The following RBFOX1 variants were observed in gnomAD, a reference collection of about 807,000 sequenced individuals.
RBFOX1 encodes the protein RNA binding fox-1 homolog 1.
Under a neutral mutation model 57.7 loss-of-function variants are expected in RBFOX1, and 8 were observed. The observed-to-expected ratio is 0.14, with a 90% CI of 0.08 to 0.25. The LOEUF (loss-of-function observed/expected upper bound fraction) is 0.25, where lower values mean the gene tolerates loss of function less well. Among genes scored for constraint, RBFOX1 ranks in the 10% least tolerant of loss-of-function variants. RBFOX1 has a pLI of 1.00. For missense variants in RBFOX1, 611 were observed against 548.5 expected, an observed-to-expected ratio of 1.11 and a Z score of -1.14; for synonymous variants, 326 against 222.4, an observed-to-expected ratio of 1.47 and a Z score of -4.15.
chr16:5,856,427 G>A (rs1225554511), intron 3 of RBFOX1, among the ~76,000 whole-genome samples: 1 of 137,768 alleles, frequency 7.3e-6, no homozygotes, highest in African/African-American at 2.7e-5. Context: ...ATATAGCACA[G>A]TATTGTTCAT....
chr16:6,085,672 G>A (rs930215207), intron 1 of RBFOX1, among the ~76,000 whole-genome samples: 1 of 152,138 alleles, frequency 6.6e-6, no homozygotes, highest in Non-Finnish European at 1.5e-5. Context: ...GTGTGTGTCT[G>A]TGTGTGTGCA....
At chr16:6,694,007 GT>G (rs2060652109) in intron 3 of RBFOX1, among the ~76,000 whole-genome samples, 1 of 152,186 alleles carries the variant, frequency 6.6e-6, no homozygotes, top group Admixed American at 6.5e-5. Flanking sequence ...TTTGTTACAA[GT>G]TTAGTTTTCT....
rs143302461 is a variant in RBFOX1, at chr16:7,118,617, C to A, written c.27+66519C>A. 3.2e-3 allele frequency among the ~76,000 whole-genome samples: 489 copies of A among 152,246 alleles called. 2 individuals are homozygous for A. The highest frequency in any genetic ancestry group is 0.014 in the Middle Eastern group (4 of 294). On this transcript the variant is annotated intron_variant, in intron 4 of 15. Transcript: ENST00000550418. ...TTATATAATCACATACATGTAATCA[C>A]ACTTATCTTATCACCTCTGTCATAT... is the stretch of plus-strand genomic sequence containing the variant.
chr16:5,676,589 G>A (rs1452674120), intron 3 of RBFOX1, among the ~76,000 whole-genome samples: 7 of 151,992 alleles, frequency 4.6e-5, no homozygotes, highest in Admixed American at 3.9e-4. Context: ...TGCTGGGTGT[G>A]GTGGCTCATA....
At chr16:6,184,748 T>C (rs2097094259) in intron 1 of RBFOX1, among the ~76,000 whole-genome samples, 1 of 152,000 alleles carries the variant, frequency 6.6e-6, no homozygotes, top group Non-Finnish European at 1.5e-5. Context: ...TTTGTATTTT[T>C]AGTAGAGACG....
intron 4 of RBFOX1, among the ~76,000 whole-genome samples, chr16:5,995,055 T>C (rs1015984146): frequency 3.9e-5 from 6 of 152,218 alleles, no homozygotes; most frequent in African/African-American, 1.4e-4. Context: ...GCATTGATCT[T>C]AAATGAGTTC....
chr16:6,379,576 G>A (rs1277925161), intron 2 of RBFOX1, among the ~76,000 whole-genome samples: 1 of 151,672 alleles, frequency 6.6e-6, no homozygotes, highest in Non-Finnish European at 1.5e-5. Flanking sequence ...GTTGGGTAAT[G>A]TATGCCAAGG....
intron 2 of RBFOX1, among the ~76,000 whole-genome samples, chr16:6,599,146 C>T (rs550903447): frequency 6.6e-6 from 1 of 152,284 alleles, no homozygotes; most frequent in African/African-American, 2.4e-5. Flanking sequence ...TATCCATGTA[C>T]TTGTACAAAT....
chr16:6,536,031 C>T (rs564726217), intron 2 of RBFOX1, among the ~76,000 whole-genome samples: 2 of 152,274 alleles, frequency 1.3e-5, no homozygotes, highest in African/African-American at 4.8e-5. Flanking sequence ...ATGTGTGATT[C>T]ATGCTTTTCA....
At chr16:7,072,298 T>C (rs979296837) in intron 4 of RBFOX1, among the ~76,000 whole-genome samples, 1 of 152,210 alleles carries the variant, frequency 6.6e-6, no homozygotes, top group Non-Finnish European at 1.5e-5. Context: ...TTATTCTTCA[T>C]TCATCACTTT....
intron 2 of RBFOX1, among the ~76,000 whole-genome samples, chr16:6,569,178 A>G (rs903417216): frequency 3.9e-5 from 6 of 152,186 alleles, no homozygotes; most frequent in African/African-American, 1.2e-4. Flanking sequence ...TTCTTACAGA[A>G]TTGTGGAAGC....
intron 1 of RBFOX1, among the ~76,000 whole-genome samples, chr16:5,297,383 C>G (rs572644125): frequency 2.0e-5 from 3 of 152,306 alleles, no homozygotes; most frequent in Admixed American, 2.0e-4. Flanking sequence ...CAAGCATTCT[C>G]TTGCATCCTC....
chr16:7,388,930 TAAGTC>T (rs2097936782), intron 4 of RBFOX1, among the ~76,000 whole-genome samples: 1 of 152,114 alleles, frequency 6.6e-6, no homozygotes, highest in Non-Finnish European at 1.5e-5. Context: ...AACCATATCA[TAAGTC>T]AAGGAAAGCA....
intron 4 of RBFOX1, among the ~76,000 whole-genome samples, chr16:7,424,549 C>T (rs937789511): frequency 1.3e-5 from 2 of 152,182 alleles, no homozygotes; most frequent in South Asian, 2.1e-4. Context: ...TGTGAACCAC[C>T]TCACCTGGCC....
At chr16:6,763,954 G>T (rs1334881572) in intron 3 of RBFOX1, among the ~76,000 whole-genome samples, 1 of 152,192 alleles carries the variant, frequency 6.6e-6, no homozygotes, top group East Asian at 1.9e-4. Context: ...GAGTCCTGGA[G>T]AAAGTTGAAT....
chr16:7,084,686 C>T (rs74008721), intron 4 of RBFOX1, among the ~76,000 whole-genome samples: 5 of 152,144 alleles, frequency 3.3e-5, no homozygotes, highest in Non-Finnish European at 7.4e-5. Context: ...CTCACTTGCC[C>T]TAAGTGAAAT....
chr16:6,292,598 G>A (rs1347418580), intron 1 of RBFOX1, among the ~76,000 whole-genome samples: 1 of 151,966 alleles, frequency 6.6e-6, no homozygotes, highest in Non-Finnish European at 1.5e-5. Flanking sequence ...AATGGTTGAG[G>A]GGGAACCTCA....
intron 4 of RBFOX1, among the ~76,000 whole-genome samples, chr16:7,063,897 A>G (rs951359343): frequency 2.6e-5 from 4 of 152,216 alleles, no homozygotes; most frequent in East Asian, 1.9e-4. Context: ...TCCATTTTAT[A>G]TCAGAGACCT....
At chr16:6,407,569 C>CAGAGAGAGAGAG (rs71145224) in intron 2 of RBFOX1, among the ~76,000 whole-genome samples, 2 of 25,914 alleles carry the variant, frequency 7.7e-5, no homozygotes, top group African/African-American at 5.8e-4. Flanking sequence ...GTGTGTGTGA[C>CAGAGAGAGAGAG]AGAGAGAGAG....
Sources: allele counts gnomAD v4.1 joint callset (sites outside exome capture counted in the v4.1 genomes callset), GRCh38; gene constraint gnomAD v4.1.1; transcripts MANE v1.5; gene names NCBI Gene and HGNC (gene_info 2026-07-23, HGNC 2026-07-21).